Variants in ANKS1A observed in about 807,000 individuals in gnomAD.
ANKS1A encodes the protein ankyrin repeat and SAM domain-containing protein 1A.
Under a neutral mutation model 120.3 loss-of-function variants are expected in ANKS1A, and 55 were observed. The ratio of observed to expected loss-of-function variants is 0.46; its 90% CI spans 0.37 to 0.57. The LOEUF is 0.57. Among genes scored for constraint, ANKS1A ranks in the 20% least tolerant of loss-of-function variants. The pLI, the probability that ANKS1A is intolerant of heterozygous loss-of-function variation, is 0.00. For missense variants in ANKS1A, 1,123 were observed against 1,480.3 expected, an observed-to-expected ratio of 0.76 and a Z score of 3.96; for synonymous variants, 590 against 604.7, an observed-to-expected ratio of 0.98 and a Z score of 0.36.
chr6:34,921,321 C>T lies in ANKS1A; in HGVS notation c.197+31722C>T, dbSNP rs557857254. On this transcript the variant is annotated intron_variant, in intron 1 of 23. Coordinates refer to ENST00000360359, the MANE Select transcript of ANKS1A (RefSeq NM_015245.3). ...GTTTTTTATTTTTATTAAGCCTCTT[C>T]CTTAGTGGATGAACATGGTTTTTTA... Among the ~76,000 whole-genome samples, 260 of 152,138 alleles carry T rather than the reference C, an allele frequency of 1.7e-3. 1 individual carries two copies. Among genetic ancestry groups the T allele is most frequent in the African/African-American group, 6.0e-3 (247 of 41,480 alleles).
chr6:35,013,060 G>A (rs1773845101), intron 10 of ANKS1A, among the ~76,000 whole-genome samples: 1 of 152,036 alleles, frequency 6.6e-6, no homozygotes, highest in Admixed American at 6.5e-5. Flanking sequence ...CAAAGTGCTG[G>A]GATTACAGGC....
rs149500930 is a variant in ANKS1A at position 34,930,636 on chromosome 6, G to C, written c.198-36603G>C. On this transcript the variant is annotated intron_variant, in intron 1 of 23. Transcript: ENST00000360359. ...TTCCTTTATCTTTTCTCTCTGTTCT[G>C]CTTGTTTCTGGCAAAGCCATTTTCT... 4.6e-3 allele frequency among the ~76,000 whole-genome samples: 697 copies of C among 152,178 alleles called. 5 individuals are homozygous for C. The highest frequency in any genetic ancestry group is 0.015 in the African/African-American group (623 of 41,518).
In ANKS1A at chr6:35,089,720, T is replaced by G. The variant is rs140103824; in HGVS notation, c.*1111T>G. 8,487 of 996,506 alleles carry G rather than the reference T, an allele frequency of 8.5e-3. 46 individuals are homozygous for G. Among genetic ancestry groups the G allele is most frequent in the Non-Finnish European group, 9.0e-3 (7,550 of 836,868 alleles). 61.7% of individuals were successfully genotyped at this position (996,506 alleles called of 1,614,324 possible). A position where few individuals can be genotyped will look rare whatever the true frequency, so the allele number is the denominator to read the frequency against. On this transcript the variant is annotated 3_prime_UTR_variant, in exon 24 of 24. Transcript: ENST00000360359. ...CCCGGTGCGCCTCTGCTTCTTAAGCTTTCCTGCTGCTCGCTTTGTTTTTAA... is the reference window on the plus strand; with the variant it reads ...CCCGGTGCGCCTCTGCTTCTTAAGCGTTCCTGCTGCTCGCTTTGTTTTTAA...
chr6:34,911,905 ATCTCAT>A (rs112032405), intron 1 of ANKS1A, among the ~76,000 whole-genome samples: 1,920 of 152,260 alleles, frequency 0.013, 32 homozygotes, highest in African/African-American at 0.038. Context: ...TGCCCTTGAA[ATCTCAT>A]TGTAATAGTG....
intron 1 of ANKS1A, among the ~76,000 whole-genome samples, chr6:34,894,329 G>T (rs1000031677): frequency 2.6e-5 from 4 of 152,008 alleles, no homozygotes; most frequent in Admixed American, 2.0e-4. Flanking sequence ...CAACTAAAAG[G>T]CCAAAAAGAT....
intron 1 of ANKS1A, among the ~76,000 whole-genome samples, chr6:34,942,226 C>G (rs1176303302): frequency 6.6e-6 from 1 of 152,234 alleles, no homozygotes; most frequent in Non-Finnish European, 1.5e-5. Context: ...CCTTGGCCAT[C>G]TCTTCTTTCT....
chr6:35,020,821 C>T (rs928099866), intron 11 of ANKS1A, among the ~76,000 whole-genome samples: 8 of 152,148 alleles, frequency 5.3e-5, no homozygotes, highest in African/African-American at 1.9e-4. Context: ...GTTGCAGGTG[C>T]TTACAATGGC....
chr6:35,069,531 G>T (rs1776968069), intron 13 of ANKS1A, among the ~76,000 whole-genome samples: 1 of 152,022 alleles, frequency 6.6e-6, no homozygotes, highest in African/African-American at 2.4e-5. Flanking sequence ...CTAGAACACA[G>T]AGGGCTGACA....
At chr6:34,906,570 CA>C (rs1439184722) in intron 1 of ANKS1A, among the ~76,000 whole-genome samples, 2 of 152,124 alleles carry the variant, frequency 1.3e-5, no homozygotes, top group African/African-American at 4.8e-5. Context: ...GCAGAACAGA[CA>C]GGTCTTTCTT....
At chr6:34,942,083 C>CT in intron 1 of ANKS1A, among the ~76,000 whole-genome samples, 1 of 152,292 alleles carries the variant, frequency 6.6e-6, no homozygotes, top group South Asian at 2.1e-4. Context: ...AATGCTTTGA[C>CT]TGTCTTCAGT....
intron 10 of ANKS1A, among the ~76,000 whole-genome samples, chr6:35,014,018 C>G (rs1263535242): frequency 7.2e-5 from 11 of 152,190 alleles, no homozygotes; most frequent in South Asian, 4.1e-4. Flanking sequence ...CAACAATCCC[C>G]CAATTAAGAT....
chr6:34,894,090 G>C (rs955023554), intron 1 of ANKS1A, among the ~76,000 whole-genome samples: 4 of 152,176 alleles, frequency 2.6e-5, no homozygotes, highest in Non-Finnish European at 5.9e-5. Context: ...CTCATTTTCT[G>C]ATTGTTTAAT....
intron 1 of ANKS1A, among the ~76,000 whole-genome samples, chr6:34,951,465 G>A (rs774888814): frequency 6.6e-6 from 1 of 152,108 alleles, no homozygotes; most frequent in Non-Finnish European, 1.5e-5. Context: ...ATTCACACGT[G>A]TCAGTTGCAT....
chr6:35,056,217 C>T (rs1386475474), intron 12 of ANKS1A, among the ~76,000 whole-genome samples: 1 of 152,232 alleles, frequency 6.6e-6, no homozygotes. Flanking sequence ...AGGGTTAATG[C>T]TGAGCTCTTC....
chr6:35,081,361 G>A lies in ANKS1A; in HGVS notation c.2709+203G>A, dbSNP rs73403870. 3.9e-3 allele frequency among the ~76,000 whole-genome samples: 601 copies of A among 152,278 alleles called. 7 individuals carry two copies. The highest frequency in any genetic ancestry group is 0.014 in the African/African-American group (573 of 41,554). On this transcript the variant is annotated intron_variant, in intron 17 of 23. Transcript: ENST00000360359. ...GCACCCATGGTGCCGAGCTCGGGCC[G>A]CACAACTCACTTTAGCTGTCAGCTG...
chr6:34,958,965 C>A (rs1770502284), intron 1 of ANKS1A, among the ~76,000 whole-genome samples: 1 of 152,216 alleles, frequency 6.6e-6, no homozygotes, highest in Non-Finnish European at 1.5e-5. Flanking sequence ...AGGGTGGGGA[C>A]TGTCCAGCGC....
At chr6:35,029,914 A>T (rs1469585621) in intron 11 of ANKS1A, among the ~76,000 whole-genome samples, 1 of 151,644 alleles carries the variant, frequency 6.6e-6, no homozygotes, top group East Asian at 1.9e-4. Flanking sequence ...TTCATTTTTC[A>T]GGTATAAATC....
In ANKS1A at chr6:35,085,679, G is replaced by A. The variant is rs1433048018; in HGVS notation, c.3133-87G>A. On this transcript the variant is annotated intron_variant, in intron 21 of 23. Transcript: ENST00000360359. This position sits in a 1 kb window ranked among gnomAD's most constrained non-coding sequence, Gnocchi z 4.7. The stretch of plus-strand genomic sequence containing the variant: ...AGCGCTCCCGGGTAGACTTAGAGGG[G>A]GACACATGGTCCCTGCGAGGAAGGG... 2.1e-6 allele frequency: 3 copies of A among 1,398,206 alleles called. No individual in the cohort carries two copies. The South Asian group carries it at 4.4e-5, about 21-fold the overall frequency. The allele number at this position is 1,398,206 out of a possible 1,614,324, so 86.6% of individuals were successfully genotyped here.
At chr6:35,049,246 A>G (rs1260797790) in intron 11 of ANKS1A, among the ~76,000 whole-genome samples, 1 of 152,164 alleles carries the variant, frequency 6.6e-6, no homozygotes, top group African/African-American at 2.4e-5. Context: ...ACTGGTCCAG[A>G]AGGGAGAGTG....
Sources: gnomAD v4.1 joint callset for allele counts (sites outside exome capture counted in the v4.1 genomes callset) on GRCh38, gnomAD v4.1.1 for gene constraint, Gnocchi (gnomAD v3.1) non-coding constraint, MANE v1.5 for transcripts, NCBI Gene and HGNC (gene_info 2026-07-23, HGNC 2026-07-21) for gene names.